CLPX: variants seen among roughly 807,000 people sequenced by gnomAD.
CLPX encodes the protein ATP-dependent clpX-like chaperone, mitochondrial.
A neutral mutation model predicts 76.4 loss-of-function variants in CLPX; 34 were observed. The observed-to-expected ratio is 0.45, with a 90% confidence interval of 0.34 to 0.59. The LOEUF (loss-of-function observed/expected upper bound fraction) is 0.59. CLPX is among the 20% of genes least tolerant of loss of function. The probability of loss-of-function intolerance (pLI) is 0.01; values close to 1 mark genes in which losing one functional copy is unlikely to be tolerated. For synonymous variants in CLPX, 248 were observed against 270.9 expected, an observed-to-expected ratio of 0.92 and a Z score of 0.83; for missense variants, 613 against 757.0, an observed-to-expected ratio of 0.81 and a Z score of 2.23.
At chr15:65,174,848 C>T (rs906217972) in intron 3 of CLPX, among the ~76,000 whole-genome samples, 7 of 152,136 alleles carry the variant, frequency 4.6e-5, no homozygotes, top group East Asian at 1.9e-4. Flanking sequence ...TAGGCCTGAG[C>T]AATTCAAACC....
At chr15:65,155,646 C>T (rs769500845) in intron 10 of CLPX, 46 bp downstream of exon 10, 1 of 1,495,416 alleles carries the variant, frequency 6.7e-7, no homozygotes, top group Non-Finnish European at 9.2e-7. Flanking sequence ...AGTGTACATC[C>T]TTTAAATGCT....
chr15:65,168,678 C>T (rs1439504109), intron 3 of CLPX, among the ~76,000 whole-genome samples: 1 of 151,386 alleles, frequency 6.6e-6, no homozygotes, highest in East Asian at 1.9e-4. Flanking sequence ...AGCACACCAA[C>T]ATGGCACATG....
rs763197062 is a variant in CLPX, at chr15:65,183,164, A to AC, written c.79+1910dup. On this transcript the variant is annotated intron_variant, in intron 1 of 13. Transcript: ENST00000300107. ...GGGCAACTTAGCAGATTCCATCAAG[A>AC]CAGACACACAAAAAGAGGCCAGGCG... Among the ~76,000 whole-genome samples the AC allele has an allele frequency of 3.6e-5, 5 of 139,456 alleles. No individual in the cohort carries two copies. The East Asian group carries it at 8.9e-4, about 25-fold the overall frequency. The allele number at this position is 139,456 out of a possible 152,430, so 91.5% of individuals were successfully genotyped here. A position where few individuals can be genotyped will look rare whatever the true frequency, so the allele number is the denominator to read the frequency against.
intron 13 of CLPX, among the ~76,000 whole-genome samples, chr15:65,152,149 C>G (rs185751933): frequency 2.5e-4 from 38 of 152,176 alleles, no homozygotes; most frequent in African/African-American, 9.2e-4. Context: ...AGGATGGTCT[C>G]TATCTCTTGA....
In CLPX at chr15:65,150,783, A is replaced by G; in HGVS notation, c.*40T>C. ...AGAGACAATTATGATCCTAAACAAA[A>G]GAAGGAAAAGCTGTATATACAAGAC... On this transcript the variant is annotated 3_prime_UTR_variant, in exon 14 of 14. Coordinates refer to ENST00000300107, the MANE Select transcript of CLPX (RefSeq NM_006660.5). The G allele has an allele frequency of 1.4e-6, 2 of 1,387,138 alleles. No individual in the cohort carries two copies. The highest frequency in any genetic ancestry group is 1.0e-6 in the Non-Finnish European group (1 of 984,836). The allele number at this position is 1,387,138 out of a possible 1,614,324, so 85.9% of individuals were successfully genotyped here. A position where few individuals can be genotyped will look rare whatever the true frequency, so the allele number is the denominator to read the frequency against.
At chr15:65,164,498 T>C (rs1447437617) in intron 4 of CLPX, among the ~76,000 whole-genome samples, 2 of 152,148 alleles carry the variant, frequency 1.3e-5, no homozygotes, top group Non-Finnish European at 2.9e-5. Flanking sequence ...TTAAAGTAAC[T>C]TAGAATACAT....
At chr15:65,161,697 T>A (rs988275979) in intron 6 of CLPX, among the ~76,000 whole-genome samples, 2 of 152,216 alleles carry the variant, frequency 1.3e-5, no homozygotes, top group African/African-American at 4.8e-5. Flanking sequence ...TATTTTTTTA[T>A]TATGAAATAA....
At chr15:65,168,662 G>C (rs1017706797) in intron 3 of CLPX, among the ~76,000 whole-genome samples, 1 of 151,140 alleles carries the variant, frequency 6.6e-6, no homozygotes, top group Admixed American at 6.6e-5. Context: ...ATGAGTTAAC[G>C]GGTGCAGCAC....
At chr15:65,171,215 G>A (rs915654834) in intron 3 of CLPX, among the ~76,000 whole-genome samples, 1 of 152,208 alleles carries the variant, frequency 6.6e-6, no homozygotes, top group South Asian at 2.1e-4. Context: ...GGGAGGCTGA[G>A]GCAGGTGGAT....
chr15:65,153,148 T>TAA (rs749248397), intron 12 of CLPX, among the ~76,000 whole-genome samples: 7 of 137,452 alleles, frequency 5.1e-5, no homozygotes, highest in Non-Finnish European at 7.9e-5. Context: ...CTACTGTGAC[T>TAA]AAAAAAAAAA....
chr15:65,152,089 C>T (rs1439806342), intron 13 of CLPX, among the ~76,000 whole-genome samples: 4 of 152,012 alleles, frequency 2.6e-5, no homozygotes, highest in African/African-American at 9.7e-5. Context: ...ACCACCACGC[C>T]CAGCTAATTT....
At position 65,155,015 on chromosome 15, in the gene CLPX, C is replaced by G; in HGVS notation, c.1378G>C (p.Ala460Pro). 6.2e-7 allele frequency: 1 copy of G among 1,614,128 alleles called. No individual in the cohort carries two copies. Among genetic ancestry groups the G allele is most frequent in the East Asian group, 2.2e-5 (1 of 44,888 alleles). Reference protein sequence around the residue: ...GRRAAAAADLANRSGESNTHQ... With the variant: ...GRRAAAAADLPNRSGESNTHQ... ...GTATTCGATTCCCCACTTCGATTAGCAAGGTCTGCAGCAGCTGCAGCCCTT... is the reference window on the plus strand; with the variant it reads ...GTATTCGATTCCCCACTTCGATTAGGAAGGTCTGCAGCAGCTGCAGCCCTT... The change falls in exon 11 of 14, where the codon GCT becomes CCT. Residue 460 changes from alanine to proline, a missense_variant. Around this residue, in one of 2 missense-constraint regions of CLPX, gnomAD observed 450 missense variants for 638.6 expected, o/e 0.70. Transcript: ENST00000300107.
intron 13 of CLPX, among the ~76,000 whole-genome samples, chr15:65,151,260 G>A (rs570100798): frequency 4.7e-4 from 70 of 148,894 alleles, no homozygotes; most frequent in African/African-American, 9.0e-4. Context: ...CAAGGGAATC[G>A]CTTGAACCCA....
rs1336077689 is a variant in CLPX, at chr15:65,155,854, G to A, written c.1149C>T (p.Gly383=). Residue 383 remains glycine (G), a splice_region_variant and synonymous_variant, in exon 10 of 14, where the codon GGC becomes GGT. Transcript: ENST00000300107. ...RDVGGEGVQQ[G]LLKLLEGTIV... is the part of the protein sequence containing the mutation. ...TTGTGCCTTCTAGTAGTTTTAATAA[G>A]CCCTAAATAAAGAACAAATGATTTA... The A allele has an allele frequency of 1.2e-6, 2 of 1,610,012 alleles. No homozygotes were observed. The highest frequency in any genetic ancestry group is 8.5e-7 in the Non-Finnish European group (1 of 1,177,272).
chr15:65,180,619 G>C (rs1485360012), intron 1 of CLPX, among the ~76,000 whole-genome samples: 1 of 151,992 alleles, frequency 6.6e-6, no homozygotes, highest in African/African-American at 2.4e-5. Context: ...AATACTATCT[G>C]GGCCGGGTGT....
chr15:65,155,014 G>C lies in CLPX; in HGVS notation c.1379C>G (p.Ala460Gly), dbSNP rs776072567. The C allele has an allele frequency of 1.5e-5, 25 of 1,614,050 alleles. 1 individual carries two copies. In the South Asian group the frequency reaches 2.7e-4, roughly 18 times the overall value. ...GRRAAAAADL[A>G]NRSGESNTHQ... ...AGTATTCGATTCCCCACTTCGATTA[G>C]CAAGGTCTGCAGCAGCTGCAGCCCT... Residue 460 changes from alanine (A) to glycine (G), a missense_variant, in exon 11 of 14, where the codon GCT becomes GGT. This residue lies in a region of CLPX where 450 missense variants were observed against 638.6 expected (regional missense o/e 0.70). Transcript: ENST00000300107.
intron 3 of CLPX, among the ~76,000 whole-genome samples, chr15:65,173,956 C>T (rs2088050223): frequency 6.6e-6 from 1 of 152,032 alleles, no homozygotes; most frequent in African/African-American, 2.4e-5. Context: ...TGGAGATGAT[C>T]ATTCAACTTG....
chr15:65,179,928 A>G (rs2088140992), intron 2 of CLPX, 116 bp downstream of exon 2: 1 of 598,332 alleles, frequency 1.7e-6, no homozygotes, highest in Non-Finnish European at 2.7e-6. Context: ...AGATCATTTT[A>G]GCTATCTCAT....
At position 65,155,025 on chromosome 15, in the gene CLPX, A is replaced by G. The variant is rs957630663; in HGVS notation, c.1368T>C (p.Ala456=). ...NLGKGRRAAA[A]ADLANRSGES... Reference sequence around the variant, plus strand: ...CCCCACTTCGATTAGCAAGGTCTGCAGCAGCTGCAGCCCTTCTGCCTTTTC... The same window carrying G: ...CCCCACTTCGATTAGCAAGGTCTGCGGCAGCTGCAGCCCTTCTGCCTTTTC... Residue 456 remains alanine, a synonymous_variant, in exon 11 of 14, where the codon GCT becomes GCC. Transcript: ENST00000300107. The G allele has an allele frequency of 3.1e-6, 5 of 1,614,156 alleles. No individual in the cohort carries two copies. The highest frequency in any genetic ancestry group is 3.4e-6 in the Non-Finnish European group (4 of 1,180,024).
Sources: gnomAD v4.1 joint callset for allele counts (sites outside exome capture counted in the v4.1 genomes callset) on GRCh38, gnomAD v4.1.1 for gene constraint, gnomAD v4.1.1 regional missense constraint, MANE v1.5 for transcripts, NCBI Gene and HGNC (gene_info 2026-07-23, HGNC 2026-07-21) for gene names.